RREB1: variants seen among roughly 807,000 people sequenced by gnomAD.
RREB1 encodes ras responsive element binding protein 1.
In RREB1, 27 loss-of-function variants were observed where a neutral mutation model predicts 117.8. The observed-to-expected ratio is 0.23, with a 90% CI of 0.17 to 0.32. The LOEUF (loss-of-function observed/expected upper bound fraction) is 0.32, where lower values mean the gene tolerates loss of function less well. RREB1 is among the 10% of genes least tolerant of loss of function. The probability of loss-of-function intolerance (pLI) is 1.00; values close to 1 mark genes in which losing one functional copy is unlikely to be tolerated. For missense variants in RREB1, 2,577 were observed against 2,378.2 expected, an observed-to-expected ratio of 1.08 and a Z score of -1.74; for synonymous variants, 1,298 against 1,026.7, an observed-to-expected ratio of 1.26 and a Z score of -5.05.
chr6:7,187,537 G>GCTCTT lies in RREB1; in HGVS notation c.261+14_261+15insCTCTT. On this transcript the variant is annotated intron_variant, in intron 5 of 12. Coordinates refer to ENST00000379938, the MANE Select transcript of RREB1 (RefSeq NM_001003699.4). ...CACATTCGCCAGGTAGATTCCCACTGTTCTTTTATTTTATTTTATTTTATT... is the reference window on the plus strand; with the variant it reads ...CACATTCGCCAGGTAGATTCCCACTGCTCTTTTCTTTTATTTTATTTTATTTTATT... 9.2e-7 allele frequency: 1 copy of GCTCTT among 1,084,394 alleles called. No homozygotes were observed. The highest frequency in any genetic ancestry group is 1.3e-6 in the Non-Finnish European group (1 of 798,546). The allele number at this position is 1,084,394 out of a possible 1,614,324, so 67.2% of individuals were successfully genotyped here.
At chr6:7,220,612 C>T (rs1409380551) in intron 8 of RREB1, among the ~76,000 whole-genome samples, 1 of 152,220 alleles carries the variant, frequency 6.6e-6, no homozygotes, top group Non-Finnish European at 1.5e-5. Flanking sequence ...TTTCCAACAT[C>T]GAGTTATCTC....
chr6:7,229,182 G>A lies in RREB1; in HGVS notation c.1083G>A (p.Lys361=), dbSNP rs2113104192. ...TGCCTGGTGACGCCCTGGACCAGAA[G>A]GGCTTCCTGGCCTTGCTTGGCCTGC... The part of the protein sequence containing the change: ...TPLPGDALDQ[K]GFLALLGLQH... Residue 361 remains lysine, a synonymous_variant, in exon 10 of 13, where the codon AAG becomes AAA. Transcript: ENST00000379938. This position sits in a 1 kb window ranked among gnomAD's most constrained non-coding sequence, Gnocchi z 4.5. 6.2e-7 allele frequency: 1 copy of A among 1,610,538 alleles called. No homozygotes were observed. The highest frequency in any genetic ancestry group is 8.5e-7 in the Non-Finnish European group (1 of 1,177,396).
At chr6:7,220,517 T>C (rs1337165440) in intron 8 of RREB1, among the ~76,000 whole-genome samples, 1 of 152,236 alleles carries the variant, frequency 6.6e-6, no homozygotes, top group Non-Finnish European at 1.5e-5. Flanking sequence ...TAATTTTCTT[T>C]AAATTCTACA....
At chr6:7,237,233 G>A (rs952115432) in intron 10 of RREB1, among the ~76,000 whole-genome samples, 4 of 151,948 alleles carry the variant, frequency 2.6e-5, no homozygotes, top group Admixed American at 6.6e-5. Flanking sequence ...TTACAGGTGC[G>A]CGCCACTGCA....
chr6:7,221,326 G>A (rs112082481), intron 8 of RREB1, among the ~76,000 whole-genome samples: 46 of 152,150 alleles, frequency 3.0e-4, no homozygotes, highest in African/African-American at 1.0e-3. Context: ...CCGCCACTGC[G>A]CCCGGCTAAT....
At chr6:7,187,105 C>G (rs1765123130) in intron 4 of RREB1, among the ~76,000 whole-genome samples, 1 of 151,016 alleles carries the variant, frequency 6.6e-6, no homozygotes, top group South Asian at 2.1e-4. Flanking sequence ...TTTTCACCAT[C>G]ACAGATTATT....
chr6:7,142,056 A>T (rs1041646865), intron 1 of RREB1, among the ~76,000 whole-genome samples: 2 of 152,068 alleles, frequency 1.3e-5, no homozygotes, highest in Admixed American at 1.3e-4. Flanking sequence ...TACTAAAAAA[A>T]ATACAAAAAT....
At chr6:7,218,918 A>C (rs1767070012) in intron 8 of RREB1, 1 of 151,588 alleles carries the variant, frequency 6.6e-6, no homozygotes, top group Non-Finnish European at 1.5e-5. Flanking sequence ...CTAAATAGGC[A>C]GACTGTGTAG....
intron 1 of RREB1, among the ~76,000 whole-genome samples, chr6:7,167,574 C>T (rs1010479807): frequency 6.6e-6 from 1 of 152,050 alleles, no homozygotes; most frequent in Non-Finnish European, 1.5e-5. Context: ...AGGCTGGTCT[C>T]GAACTCCTGA....
intron 1 of RREB1, among the ~76,000 whole-genome samples, chr6:7,154,480 G>C (rs113383033): frequency 6.6e-6 from 1 of 152,228 alleles, no homozygotes; most frequent in South Asian, 2.1e-4. Flanking sequence ...CGTACAGTAT[G>C]TGTGCTCAGG....
Position 7,231,717 on chromosome 6 carries a change from T to A in RREB1, c.3618T>A (p.Asp1206Glu). The change falls in exon 10 of 13, where the codon GAT becomes GAA. Residue 1206 changes from aspartate (D) to glutamate (E), a missense_variant. Physicochemically the swap from Asp to Glu is conservative, Grantham distance 45 (BLOSUM62 2). Coordinates refer to ENST00000379938, the MANE Select transcript of RREB1 (RefSeq NM_001003699.4). ...FLQTAEDNTQ[D>E]EVAGAPADHH... ...AGACAGCGGAGGACAACACTCAGGA[T>A]GAGGTGGCCGGAGCCCCTGCCGACC... is the stretch of plus-strand genomic sequence containing the variant. 6.2e-7 allele frequency: 1 copy of A among 1,613,606 alleles called. No homozygotes were observed. Among genetic ancestry groups the A allele is most frequent in the South Asian group, 1.1e-5 (1 of 91,076 alleles).
At chr6:7,150,500 G>A (rs906243124) in intron 1 of RREB1, among the ~76,000 whole-genome samples, 7 of 152,170 alleles carry the variant, frequency 4.6e-5, no homozygotes, top group African/African-American at 7.2e-5. Flanking sequence ...CATATGCATG[G>A]CAGCTATACC....
intron 6 of RREB1, among the ~76,000 whole-genome samples, chr6:7,198,242 T>C (rs1207012939): frequency 6.6e-6 from 1 of 152,182 alleles, no homozygotes. Context: ...AATCACCAGG[T>C]CCCTGTCCCT....
intron 1 of RREB1, among the ~76,000 whole-genome samples, chr6:7,129,700 A>G (rs981344316): frequency 2.6e-5 from 4 of 152,230 alleles, no homozygotes; most frequent in African/African-American, 4.8e-5. Flanking sequence ...GTGGTTACCA[A>G]TTCCAGGTGA....
chr6:7,179,277 T>A lies in RREB1; in HGVS notation c.-165-1847T>A, dbSNP rs183698710. ...TTTCTACACACATACACACACATTTTGTTGTTTGTTTGTTTTTGCTTTTAA... is the reference window on the plus strand; with the variant it reads ...TTTCTACACACATACACACACATTTAGTTGTTTGTTTGTTTTTGCTTTTAA... On this transcript the variant is annotated intron_variant, in intron 2 of 12. Transcript: ENST00000379938. Among the ~76,000 whole-genome samples the A allele has an allele frequency of 3.9e-4, 59 of 152,334 alleles. 1 individual carries two copies. The highest frequency in any genetic ancestry group is 1.3e-3 in the African/African-American group (53 of 41,560).
chr6:7,238,359 T>C (rs889931245), intron 10 of RREB1, among the ~76,000 whole-genome samples: 2 of 152,122 alleles, frequency 1.3e-5, no homozygotes, highest in African/African-American at 2.4e-5. Context: ...CACCTCAGCC[T>C]CCCCAGTAGC....
intron 1 of RREB1, among the ~76,000 whole-genome samples, chr6:7,170,040 G>T (rs905905972): frequency 1.6e-4 from 24 of 152,182 alleles, no homozygotes; most frequent in Non-Finnish European, 3.2e-4. Context: ...TCTGCATTAA[G>T]CTGCTCCTTC....
rs540464600 is a variant in RREB1, at chr6:7,116,843, G to T, written c.-285+8783G>T. Among the ~76,000 whole-genome samples, 19 of 152,280 alleles carry T rather than the reference G, an allele frequency of 1.2e-4. 1 individual carries two copies. In the South Asian group the frequency reaches 3.9e-3, roughly 32 times the overall value. On this transcript the variant is annotated intron_variant, in intron 1 of 12. Transcript: ENST00000379938. Reference sequence around the variant, plus strand: ...TTGCACTAAAAGCTGTCACACTGGGGCCTTTACTAATTATAACCATTTTTC... The same window carrying T: ...TTGCACTAAAAGCTGTCACACTGGGTCCTTTACTAATTATAACCATTTTTC...
intron 4 of RREB1, among the ~76,000 whole-genome samples, chr6:7,182,628 C>G (rs575777427): frequency 1.3e-5 from 2 of 152,262 alleles, no homozygotes; most frequent in South Asian, 2.1e-4. Flanking sequence ...AATGCTGTTA[C>G]AAAAGTTGAT....
Sources: allele counts gnomAD v4.1 joint callset (sites outside exome capture counted in the v4.1 genomes callset), GRCh38; gene constraint gnomAD v4.1.1; non-coding constraint Gnocchi (gnomAD v3.1); transcripts MANE v1.5; gene names NCBI Gene and HGNC (gene_info 2026-07-23, HGNC 2026-07-21).